Variants in CLASP1 observed in about 807,000 individuals in gnomAD.
CLASP1 encodes the protein cytoplasmic linker associated protein 1.
CLASP1 carries 38 observed loss-of-function variants against 192.3 expected under a neutral mutation model. That is an observed-to-expected ratio of 0.20 (90% CI 0.15 to 0.26). The LOEUF (loss-of-function observed/expected upper bound fraction) is 0.26. Among genes scored for constraint, CLASP1 ranks in the 10% least tolerant of loss-of-function variants. The pLI, the probability that CLASP1 is intolerant of heterozygous loss-of-function variation, is 1.00. For synonymous variants in CLASP1, 691 were observed against 712.8 expected (o/e 0.97, Z 0.49); for missense variants, 1,433 against 1,932.5 (o/e 0.74, Z 4.85).
intron 7 of CLASP1, among the ~76,000 whole-genome samples, chr2:121,515,257 T>C (rs960758894): frequency 6.6e-6 from 1 of 152,226 alleles, no homozygotes; most frequent in Non-Finnish European, 1.5e-5. Flanking sequence ...AATTATAACT[T>C]ATGAATTTTT....
At chr2:121,633,137 A>G (rs914174640) in intron 1 of CLASP1, among the ~76,000 whole-genome samples, 2 of 151,690 alleles carry the variant, frequency 1.3e-5, no homozygotes, top group East Asian at 3.9e-4. Flanking sequence ...TCATGTGTAT[A>G]TATTACCTGT....
chr2:121,569,749 G>A (rs2059821064), intron 2 of CLASP1, among the ~76,000 whole-genome samples: 2 of 152,086 alleles, frequency 1.3e-5, no homozygotes, highest in Admixed American at 1.3e-4. Context: ...GCTGAGGCAG[G>A]AGAATCGCTT....
At chr2:121,346,508 G>GT (rs2063480999) in intron 39 of CLASP1, among the ~76,000 whole-genome samples, 1 of 152,248 alleles carries the variant, frequency 6.6e-6, no homozygotes, top group Non-Finnish European at 1.5e-5. Context: ...AGCAGTGTGA[G>GT]TAAGAAGTCT....
At chr2:121,469,599 A>G (rs1468408527) in intron 9 of CLASP1, among the ~76,000 whole-genome samples, 1 of 152,198 alleles carries the variant, frequency 6.6e-6, no homozygotes, top group Non-Finnish European at 1.5e-5. Flanking sequence ...AGAATGTGGC[A>G]AAAGTCAACA....
intron 2 of CLASP1, among the ~76,000 whole-genome samples, chr2:121,578,849 A>G (rs2060830329): frequency 1.3e-5 from 2 of 152,170 alleles, no homozygotes; most frequent in South Asian, 4.1e-4. Context: ...AAAAACACAC[A>G]CACACAAAAA....
intron 1 of CLASP1, among the ~76,000 whole-genome samples, chr2:121,639,864 A>C (rs1164629721): frequency 1.0e-5 from 1 of 96,676 alleles, no homozygotes; most frequent in Non-Finnish European, 2.0e-5. Context: ...ACTCCATCTC[A>C]AAAAAAAAAA....
intron 2 of CLASP1, among the ~76,000 whole-genome samples, chr2:121,579,617 T>C (rs1264190270): frequency 6.6e-6 from 1 of 152,198 alleles, no homozygotes; most frequent in Non-Finnish European, 1.5e-5. Context: ...ATGAGGTTTG[T>C]AATATACAAA....
chr2:121,379,531 A>G (rs767723303), intron 33 of CLASP1, among the ~76,000 whole-genome samples: 1 of 152,194 alleles, frequency 6.6e-6, no homozygotes, highest in Non-Finnish European at 1.5e-5. Flanking sequence ...TTTTTTATAT[A>G]TAAAGACTGA....
intron 2 of CLASP1, among the ~76,000 whole-genome samples, chr2:121,577,008 T>G: frequency 6.6e-6 from 1 of 152,298 alleles, no homozygotes; most frequent in African/African-American, 2.4e-5. Flanking sequence ...AATGGTACCA[T>G]GGTTATTTTT....
Position 121,555,875 on chromosome 2 carries a change from G to A in CLASP1, c.196-25550C>T, listed in dbSNP as rs192620486. ...TTTTTTGTATTTTTAGTAGAGATGG[G>A]GTTTCACCATGTTGGTCAGGCTGGA... On this transcript the variant is annotated intron_variant, in intron 2 of 39. Coordinates refer to ENST00000263710, the Ensembl canonical transcript of CLASP1. Among the ~76,000 whole-genome samples, 9 of 151,272 alleles carry A rather than the reference G, an allele frequency of 5.9e-5. No individual in the cohort carries two copies. In the East Asian group the frequency reaches 1.7e-3, roughly 29 times the overall value.
At chr2:121,538,000 A>C (rs1465814234) in intron 2 of CLASP1, among the ~76,000 whole-genome samples, 1 of 152,198 alleles carries the variant, frequency 6.6e-6, no homozygotes, top group Non-Finnish European at 1.5e-5. Context: ...AAAGCATCAC[A>C]CTTAATGATG....
intron 2 of CLASP1, among the ~76,000 whole-genome samples, chr2:121,597,159 TCTTAATTA>T (rs1254229430): frequency 6.6e-6 from 1 of 152,204 alleles, no homozygotes; most frequent in Non-Finnish European, 1.5e-5. Context: ...GTCTCAGAAA[TCTTAATTA>T]CTAGTTTTAT....
chr2:121,465,752 G>A (rs1188791981), intron 9 of CLASP1, among the ~76,000 whole-genome samples: 6 of 152,126 alleles, frequency 3.9e-5, no homozygotes, highest in South Asian at 2.1e-4. Flanking sequence ...GAGGCATCAC[G>A]CTACCTGACT....
chr2:121,464,811 G>C (rs1185572398), intron 9 of CLASP1, among the ~76,000 whole-genome samples: 1 of 152,144 alleles, frequency 6.6e-6, no homozygotes, highest in Non-Finnish European at 1.5e-5. Flanking sequence ...TGTTCACGCT[G>C]ATGGTAGTTT....
chr2:121,564,613 A>G (rs2059357611), intron 2 of CLASP1, among the ~76,000 whole-genome samples: 1 of 152,214 alleles, frequency 6.6e-6, no homozygotes, highest in Non-Finnish European at 1.5e-5. Flanking sequence ...TCCAAGTCCA[A>G]AGCTATACCA....
chr2:121,559,088 A>G (rs2058840598), intron 2 of CLASP1, among the ~76,000 whole-genome samples: 1 of 152,220 alleles, frequency 6.6e-6, no homozygotes, highest in South Asian at 2.1e-4. Flanking sequence ...GAGGGAAAGA[A>G]GGTGTGGACC....
chr2:121,608,616 G>A lies in CLASP1; in HGVS notation c.-285-2436C>T, dbSNP rs530691573. On this transcript the variant is annotated intron_variant, in intron 1 of 39. Coordinates refer to ENST00000263710, the Ensembl canonical transcript of CLASP1. ...CATCTACCCATTCCAGTCGTCATCC[G>A]ACTGCAGTTATGCCAGTAAGTGTAA... 3.9e-5 allele frequency among the ~76,000 whole-genome samples: 6 copies of A among 152,228 alleles called. 1 individual carries two copies. The highest frequency in any genetic ancestry group is 1.4e-4 in the African/African-American group (6 of 41,532).
At chr2:121,502,680 G>A (rs1219976826) in intron 8 of CLASP1, among the ~76,000 whole-genome samples, 1 of 152,220 alleles carries the variant, frequency 6.6e-6, no homozygotes, top group African/African-American at 2.4e-5. Flanking sequence ...GTGGGCCATG[G>A]TGAGTTGGTG....
intron 1 of CLASP1, among the ~76,000 whole-genome samples, chr2:121,636,726 C>T (rs916364945): frequency 1.8e-4 from 28 of 152,038 alleles, no homozygotes; most frequent in Non-Finnish European, 1.0e-4. Context: ...ATAAAATGAG[C>T]CACATATTAT....
Sources: gnomAD v4.1 joint callset for allele counts (sites outside exome capture counted in the v4.1 genomes callset) on GRCh38, gnomAD v4.1.1 for gene constraint, MANE v1.5 for transcripts, NCBI Gene and HGNC (gene_info 2026-07-23, HGNC 2026-07-21) for gene names.